GSN: variants seen among roughly 807,000 people sequenced by gnomAD.
The protein encoded by GSN is actin-depolymerizing factor.
A neutral mutation model predicts 85.7 loss-of-function variants in GSN; 56 were observed. That is an observed-to-expected ratio of 0.65 (90% CI 0.53 to 0.82). GSN has a LOEUF of 0.82. GSN is among the 40% of genes least tolerant of loss of function. The probability of loss-of-function intolerance (pLI) is 0.00; values close to 1 mark genes in which losing one functional copy is unlikely to be tolerated. For missense variants in GSN, 857 were observed against 979.8 expected (o/e 0.87, Z 1.67); for synonymous variants, 373 against 399.1 (o/e 0.93, Z 0.78).
At chr9:121,293,476 C>T (rs755544002) in intron 2 of GSN, among the ~76,000 whole-genome samples, 5 of 151,668 alleles carry the variant, frequency 3.3e-5, no homozygotes, top group African/African-American at 1.2e-4. Flanking sequence ...AGGCCGGGCG[C>T]GGTGGTTCAC....
chr9:121,236,402 T>G (rs1217250366), intron 5 of GSN, among the ~76,000 whole-genome samples: 1 of 152,006 alleles, frequency 6.6e-6, no homozygotes, highest in Non-Finnish European at 1.5e-5. Context: ...GTATTTTTAA[T>G]AGAGACAGGG....
intron 14 of GSN, among the ~76,000 whole-genome samples, chr9:121,328,570 T>C (rs565797927): frequency 2.0e-5 from 3 of 152,264 alleles, no homozygotes; most frequent in Admixed American, 1.3e-4. Flanking sequence ...CTTGAGTGAG[T>C]TGCTTAACCT....
intron 2 of GSN, among the ~76,000 whole-genome samples, chr9:121,209,639 C>T (rs1482342168): frequency 6.6e-6 from 1 of 152,182 alleles, no homozygotes; most frequent in Non-Finnish European, 1.5e-5. Flanking sequence ...CAGGAAACAG[C>T]AGCATTTAAT....
At chr9:121,221,983 G>A (rs977590728) in intron 4 of GSN, among the ~76,000 whole-genome samples, 5 of 152,202 alleles carry the variant, frequency 3.3e-5, no homozygotes, top group Admixed American at 2.0e-4. Flanking sequence ...GCCCTACAGA[G>A]TGAGGAAGCT....
At chr9:121,219,867 C>T (rs1226571433) in intron 4 of GSN, among the ~76,000 whole-genome samples, 2 of 152,032 alleles carry the variant, frequency 1.3e-5, no homozygotes, top group Admixed American at 6.6e-5. Flanking sequence ...CCTACACTCC[C>T]CTTTCTTTTT....
chr9:121,328,777 G>A lies in GSN; in HGVS notation c.1763-114G>A, dbSNP rs191024516. 280 of 1,086,746 alleles carry A rather than the reference G, an allele frequency of 2.6e-4. 1 individual carries two copies. The African/African-American group carries it at 3.6e-3, about 14-fold the overall frequency. 67.3% of individuals were successfully genotyped at this position (1,086,746 alleles called of 1,614,324 possible). A position where few individuals can be genotyped will look rare whatever the true frequency, so the allele number is the denominator to read the frequency against. ...ATCTCCTGGGATTTTTAGGATGGAGGGAGGAGAGGGAGAGCAGTTGGTTGC... is the reference window on the plus strand; with the variant it reads ...ATCTCCTGGGATTTTTAGGATGGAGAGAGGAGAGGGAGAGCAGTTGGTTGC... On this transcript the variant is annotated intron_variant, in intron 14 of 17. Coordinates refer to ENST00000432226, the MANE Select transcript of GSN (RefSeq NM_198252.3).
chr9:121,219,839 G>C (rs1296588380), intron 4 of GSN, among the ~76,000 whole-genome samples: 2 of 151,714 alleles, frequency 1.3e-5, no homozygotes, highest in African/African-American at 2.4e-5. Context: ...TTGCATGACT[G>C]TCTCTCTCTT....
intron 5 of GSN, among the ~76,000 whole-genome samples, chr9:121,241,413 C>T (rs938904798): frequency 2.0e-5 from 3 of 152,150 alleles, no homozygotes; most frequent in Admixed American, 6.5e-5. Flanking sequence ...AGTCCCTGTC[C>T]GTGGATGTCA....
chr9:121,327,123 A>G lies in GSN; in HGVS notation c.1588-185A>G, dbSNP rs1239927716. 19 of 743,290 alleles carry G rather than the reference A, an allele frequency of 2.6e-5. No individual in the cohort carries two copies. The Admixed American group carries it at 3.1e-4, about 12-fold the overall frequency. 46.0% of individuals were successfully genotyped at this position (743,290 alleles called of 1,614,324 possible). A position where few individuals can be genotyped will look rare whatever the true frequency, so the allele number is the denominator to read the frequency against. On this transcript the variant is annotated intron_variant, in intron 13 of 17. Transcript: ENST00000432226. ...GAATCATGTTGGCTAGTCACAGTGC[A>G]TTAGTGACTCATGGGAGTCAACCAA...
chr9:121,241,484 T>A (rs1047856501), intron 5 of GSN, among the ~76,000 whole-genome samples: 2 of 152,232 alleles, frequency 1.3e-5, no homozygotes, highest in African/African-American at 4.8e-5. Flanking sequence ...TTTAATGATC[T>A]GTGAGACCTT....
intron 2 of GSN, among the ~76,000 whole-genome samples, chr9:121,293,744 G>A (rs887867907): frequency 2.0e-5 from 3 of 150,232 alleles, no homozygotes; most frequent in Admixed American, 6.6e-5. Context: ...TATCTTACAT[G>A]TAAGGAAATT....
intron 2 of GSN, among the ~76,000 whole-genome samples, chr9:121,285,744 T>C (rs1025114394): frequency 6.6e-6 from 1 of 152,000 alleles, no homozygotes; most frequent in Non-Finnish European, 1.5e-5. Flanking sequence ...AAAAATGGCA[T>C]CATGTCCCAC....
rs376801564 is a variant in GSN at position 121,332,631 on chromosome 9, G to C, written c.*28G>C. The C allele has an allele frequency of 1.3e-6, 2 of 1,593,716 alleles. No individual in the cohort carries two copies. Among genetic ancestry groups the C allele is most frequent in the Non-Finnish European group, 1.7e-6 (2 of 1,165,636 alleles). On this transcript the variant is annotated 3_prime_UTR_variant, in exon 18 of 18. Coordinates refer to ENST00000432226, the MANE Select transcript of GSN (RefSeq NM_198252.3). The surrounding 1 kb of genome is among the most constrained non-coding windows in gnomAD (Gnocchi z 4.8). ...AGGGGCAGGGCCCACCCATGTCACCGGTCAGTGCCTTTTGGAACTGTCCTT... is the reference window on the plus strand; with the variant it reads ...AGGGGCAGGGCCCACCCATGTCACCCGTCAGTGCCTTTTGGAACTGTCCTT...
chr9:121,267,605 C>G (rs182508516), upstream of GSN, among the ~76,000 whole-genome samples: 74 of 152,294 alleles, frequency 4.9e-4, no homozygotes, highest in African/African-American at 1.8e-3. Flanking sequence ...GAGGCGCCTG[C>G]TTAATGGTCC....
In GSN at chr9:121,229,488, G is replaced by A. The variant is rs182258616; in HGVS notation, c.-527-1677G>A. On this transcript the variant is annotated intron_variant, in intron 4 of 24. Coordinates refer to the GSN transcript ENST00000373823. ...ACCCGCCTCAGCTTCCCAAAGTGCT[G>A]GGATTACAGACTGAGCCACCACGCC... Among the ~76,000 whole-genome samples the A allele has an allele frequency of 3.1e-4, 47 of 152,292 alleles. No individual in the cohort carries two copies. In the East Asian group the frequency reaches 8.3e-3, roughly 27 times the overall value.
intron 6 of GSN, among the ~76,000 whole-genome samples, chr9:121,249,295 C>CA (rs1049728214): frequency 4.8e-4 from 70 of 144,736 alleles, no homozygotes; most frequent in East Asian, 1.4e-3. Context: ...CTGGTCTGTA[C>CA]AAAAAAAAAA....
At chr9:121,295,434 A>G (rs2059119083) in intron 2 of GSN, among the ~76,000 whole-genome samples, 1 of 152,224 alleles carries the variant, frequency 6.6e-6, no homozygotes, top group Non-Finnish European at 1.5e-5. Flanking sequence ...AATAGACTCC[A>G]AGAGAGGGCT....
intron 10 of GSN, among the ~76,000 whole-genome samples, chr9:121,320,060 A>G (rs2062218827): frequency 6.6e-6 from 1 of 152,198 alleles, no homozygotes; most frequent in African/African-American, 2.4e-5. Context: ...TGGCAGCCTG[A>G]CTGTGAGACT....
At chr9:121,215,996 CTTATTTAT>C (rs972526174) in intron 4 of GSN, among the ~76,000 whole-genome samples, 2 of 151,940 alleles carry the variant, frequency 1.3e-5, no homozygotes, top group African/African-American at 4.8e-5. Context: ...CATCACTTTT[CTTATTTAT>C]TTATTTATTT....
Sources: gnomAD v4.1 joint callset for allele counts (sites outside exome capture counted in the v4.1 genomes callset) on GRCh38, gnomAD v4.1.1 for gene constraint, Gnocchi (gnomAD v3.1) non-coding constraint, MANE v1.5 for transcripts, NCBI Gene and HGNC (gene_info 2026-07-23, HGNC 2026-07-21) for gene names.